Variants in SLC25A48 observed in about 807,000 individuals in gnomAD.
The protein encoded by SLC25A48 is CTC-321K16.1.
Under a neutral mutation model 32.2 loss-of-function variants are expected in SLC25A48, and 29 were observed. That is an observed-to-expected ratio of 0.90 (90% CI 0.67 to 1.23). SLC25A48 has a LOEUF of 1.23. Among genes scored for constraint, SLC25A48 ranks in the 50% most tolerant of loss-of-function variants. The probability of loss-of-function intolerance (pLI) is 0.00; values close to 1 mark genes in which losing one functional copy is unlikely to be tolerated. For synonymous variants in SLC25A48, 164 were observed against 172.3 expected, an observed-to-expected ratio of 0.95 and a Z score of 0.38; for missense variants, 399 against 422.7, an observed-to-expected ratio of 0.94 and a Z score of 0.49.
At chr5:135,650,670 T>A (rs1753089708) in intron 3 of SLC25A48, 1 of 323,234 alleles carries the variant, frequency 3.1e-6, no homozygotes, top group Non-Finnish European at 6.1e-6. Flanking sequence ...AAGGTGCTCA[T>A]TTCAATGTCA....
intron 3 of SLC25A48, among the ~76,000 whole-genome samples, chr5:135,851,617 T>G (rs1008157503): frequency 6.6e-6 from 1 of 152,176 alleles, no homozygotes; most frequent in African/African-American, 2.4e-5. Flanking sequence ...TGTGTGCGTG[T>G]GCAGGTGTGT....
intron 3 of SLC25A48, among the ~76,000 whole-genome samples, chr5:135,775,949 T>C (rs1756546467): frequency 6.6e-6 from 1 of 151,606 alleles, no homozygotes; most frequent in South Asian, 2.1e-4. Context: ...TTGTTCCTCA[T>C]ATAAGAAGGT....
intron 4 of SLC25A48, chr5:135,826,596 T>C (rs780274841): frequency 6.6e-6 from 1 of 152,222 alleles, no homozygotes; most frequent in Non-Finnish European, 1.5e-5. Context: ...TTTGGAGTAA[T>C]ACTTGCAGCT....
At chr5:135,610,479 G>T (rs1056226015) in intron 1 of SLC25A48, among the ~76,000 whole-genome samples, 1 of 152,068 alleles carries the variant, frequency 6.6e-6, no homozygotes, top group African/African-American at 2.4e-5. Context: ...TGCCCTGATA[G>T]GTTATTTATT....
intron 3 of SLC25A48, among the ~76,000 whole-genome samples, chr5:135,736,212 G>C (rs1048690308): frequency 3.3e-5 from 5 of 152,126 alleles, no homozygotes; most frequent in Non-Finnish European, 7.3e-5. Context: ...AGAGACTAGG[G>C]AGGGAATGAA....
chr5:135,792,651 G>A (rs1238931938), intron 3 of SLC25A48, among the ~76,000 whole-genome samples: 1 of 151,742 alleles, frequency 6.6e-6, no homozygotes, highest in Admixed American at 6.6e-5. Context: ...ATCCCCGGGA[G>A]ATATTCCTCT....
At chr5:135,593,979 A>T (rs1303610134) in intron 1 of SLC25A48, among the ~76,000 whole-genome samples, 1 of 152,242 alleles carries the variant, frequency 6.6e-6, no homozygotes, top group Non-Finnish European at 1.5e-5. Flanking sequence ...GAACTGCATC[A>T]TCTTGTTTAC....
intron 3 of SLC25A48, among the ~76,000 whole-genome samples, chr5:135,761,711 C>T (rs1261676728): frequency 7.9e-5 from 12 of 152,216 alleles, no homozygotes; most frequent in Admixed American, 6.5e-4. Flanking sequence ...ATGGGAAACA[C>T]ATTCTCTTTC....
chr5:135,588,087 G>A (rs1351327158), intron 1 of SLC25A48, among the ~76,000 whole-genome samples: 5 of 152,244 alleles, frequency 3.3e-5, no homozygotes, highest in Admixed American at 2.0e-4. Context: ...TCCTGGTGTC[G>A]TGGCTGACGG....
chr5:135,682,611 C>T (rs1300738729), intron 3 of SLC25A48, among the ~76,000 whole-genome samples: 1 of 152,138 alleles, frequency 6.6e-6, no homozygotes, highest in African/African-American at 2.4e-5. Context: ...GGCATTCTTG[C>T]AGGTTGTATG....
chr5:135,643,764 C>G (rs1475467355), intron 3 of SLC25A48, among the ~76,000 whole-genome samples: 1 of 152,318 alleles, frequency 6.6e-6, no homozygotes, highest in Non-Finnish European at 1.5e-5. Flanking sequence ...CGCACAAGTT[C>G]TCAGAGCAGC....
In SLC25A48 at chr5:135,629,974, C is replaced by G. The variant is rs532165395; in HGVS notation, c.-709+598C>G. ...TGCCACAGGTACCTGCCACAAGACC[C>G]CAGAGACTCATGATCTGATCAGTCC... On this transcript the variant is annotated intron_variant, in intron 2 of 10. Transcript: ENST00000646290. The surrounding 1 kb of genome is among the most constrained non-coding windows in gnomAD (Gnocchi z 4.8). Among the ~76,000 whole-genome samples, 3 of 152,300 alleles carry G rather than the reference C, an allele frequency of 2.0e-5. No homozygotes were observed. The highest frequency in any genetic ancestry group is 2.0e-4 in the Admixed American group (3 of 15,308).
At chr5:135,801,189 C>T (rs1757314204) in intron 3 of SLC25A48, among the ~76,000 whole-genome samples, 1 of 149,830 alleles carries the variant, frequency 6.7e-6, no homozygotes, top group African/African-American at 2.5e-5. Flanking sequence ...TTTGTAATAT[C>T]CAGGGTGGTA....
chr5:135,644,081 C>T (rs535165565), intron 3 of SLC25A48, among the ~76,000 whole-genome samples: 1 of 151,810 alleles, frequency 6.6e-6, no homozygotes, highest in Non-Finnish European at 1.5e-5. Flanking sequence ...ATGGAGGGGC[C>T]AAGGAGGTTA....
intron 6 of SLC25A48, chr5:135,874,674 A>C (rs773063531): frequency 1.7e-4 from 120 of 701,988 alleles, no homozygotes; most frequent in Non-Finnish European, 2.8e-4. Flanking sequence ...GGCAGCCTCC[A>C]ACACGTTTCC....
At chr5:135,706,015 G>T (rs1484740689) in intron 3 of SLC25A48, among the ~76,000 whole-genome samples, 1 of 152,158 alleles carries the variant, frequency 6.6e-6, no homozygotes, top group Non-Finnish European at 1.5e-5. Context: ...CTTTGAACTG[G>T]GCTGTCTCTT....
At chr5:135,791,462 G>A (rs1431555131) in intron 3 of SLC25A48, among the ~76,000 whole-genome samples, 1 of 151,728 alleles carries the variant, frequency 6.6e-6, no homozygotes, top group Non-Finnish European at 1.5e-5. Context: ...TGTACACCCT[G>A]TGATATTATG....
intron 3 of SLC25A48, among the ~76,000 whole-genome samples, chr5:135,688,436 G>A (rs1754068427): frequency 6.6e-6 from 1 of 152,090 alleles, no homozygotes; most frequent in African/African-American, 2.4e-5. Context: ...TGCTCCTTGT[G>A]TTTCACTGCA....
chr5:135,739,702 T>A (rs1226727761), intron 3 of SLC25A48, among the ~76,000 whole-genome samples: 2 of 152,232 alleles, frequency 1.3e-5, no homozygotes, highest in African/African-American at 4.8e-5. Flanking sequence ...TTTCCATGTG[T>A]TGACACTTTG....
Sources: allele counts gnomAD v4.1 joint callset (sites outside exome capture counted in the v4.1 genomes callset), GRCh38; gene constraint gnomAD v4.1.1; non-coding constraint Gnocchi (gnomAD v3.1); transcripts MANE v1.5; gene names NCBI Gene and HGNC (gene_info 2026-07-23, HGNC 2026-07-21).